Variants in TAAR5 observed in about 807,000 individuals in gnomAD.
The protein encoded by TAAR5 is trace amine-associated receptor 5.
TAAR5 carries 27 observed loss-of-function variants against 21.1 expected under a neutral mutation model. The observed-to-expected ratio is 1.28, with a 90% CI of 0.94 to 1.76. The LOEUF (loss-of-function observed/expected upper bound fraction) is 1.76. TAAR5 is among the 40% of genes most tolerant of loss of function. The pLI is 0.00. For missense variants in TAAR5, 495 were observed against 405.6 expected (o/e 1.22, Z -1.89); for synonymous variants, 203 against 167.5 (o/e 1.21, Z -1.64).
chr6:132,594,858 T>G, the TAAR5 span: 15 of 152,176 alleles, frequency 9.9e-5, no homozygotes, highest in African/African-American at 3.1e-4. Context: ...TATTAAATAT[T>G]AACACACACA....
chr6:132,608,621 T>G, the TAAR5 span: 2 of 455,760 alleles, frequency 4.4e-6, no homozygotes, highest in African/African-American at 4.0e-5. Context: ...ACGATAAAGA[T>G]TTTGCCATAA....
At position 132,589,085 on chromosome 6, in the gene TAAR5, C is replaced by A; in HGVS notation, c.602G>T (p.Gly201Val). Residue 201 changes from glycine (G) to valine (V), a missense_variant, in exon 1 of 1, where the codon GGC (glycine) becomes GTC (valine). Physicochemically the swap from Gly to Val is moderately radical, Grantham distance 109. Coordinates refer to ENST00000258034, the MANE Select transcript of TAAR5 (RefSeq NM_003967.3). ...SCQLLLNKFW[G>V]WLNFPLFFVP... The stretch of plus-strand genomic sequence containing the variant: ...AAAGAACAAAGGGAAGTTTAACCAG[C>A]CCCAAAATTTATTGAGCAGCAGCTG... 6.2e-7 allele frequency: 1 copy of A among 1,614,042 alleles called. No individual in the cohort carries two copies. Among genetic ancestry groups the A allele is most frequent in the South Asian group, 1.1e-5 (1 of 91,080 alleles).
the TAAR5 span, among the ~76,000 whole-genome samples, chr6:132,601,064 A>AGG: frequency 1.9e-4 from 7 of 36,154 alleles, no homozygotes; most frequent in South Asian, 1.0e-3. Context: ...AAGGAGGGAA[A>AGG]GAAGGAAGGA....
the TAAR5 span, among the ~76,000 whole-genome samples, chr6:132,609,594 G>C: frequency 1.3e-5 from 2 of 152,012 alleles, no homozygotes; most frequent in African/African-American, 4.8e-5. Context: ...CTTTATTCCT[G>C]GTAAGGAAAT....
chr6:132,614,548 T>C, the TAAR5 span, among the ~76,000 whole-genome samples: 2 of 152,212 alleles, frequency 1.3e-5, no homozygotes, highest in African/African-American at 4.8e-5. Context: ...GATTAGAACA[T>C]TTCCAATTCT....
chr6:132,614,938 A>G, the TAAR5 span, among the ~76,000 whole-genome samples: 2 of 152,164 alleles, frequency 1.3e-5, no homozygotes, highest in Non-Finnish European at 2.9e-5. Context: ...ATCTCAGCTC[A>G]CTGCAACCTC....
the TAAR5 span, among the ~76,000 whole-genome samples, chr6:132,597,401 T>G: frequency 6.6e-6 from 1 of 152,152 alleles, no homozygotes; most frequent in Non-Finnish European, 1.5e-5. Context: ...TGAAAAGTTA[T>G]GAAAACAAGT....
chr6:132,592,911 C>T (rs957778311), upstream of TAAR5, among the ~76,000 whole-genome samples: 1 of 152,148 alleles, frequency 6.6e-6, no homozygotes. Context: ...GGTCCCAGAT[C>T]TACCACTGAA....
chr6:132,608,522 T>C, the TAAR5 span: 1 of 455,072 alleles, frequency 2.2e-6, no homozygotes, highest in Non-Finnish European at 4.4e-6. Context: ...TTCGCTGCTT[T>C]CCTGTCCTTT....
chr6:132,605,537 T>A, the TAAR5 span, among the ~76,000 whole-genome samples: 2 of 152,176 alleles, frequency 1.3e-5, no homozygotes, highest in African/African-American at 4.8e-5. Flanking sequence ...TGAAGCCAGC[T>A]GTCCCTGTAC....
chr6:132,599,352 C>T, the TAAR5 span, among the ~76,000 whole-genome samples: 31 of 109,056 alleles, frequency 2.8e-4, no homozygotes, highest in African/African-American at 7.4e-4. Flanking sequence ...TTTTTTTTGA[C>T]GGAGTCCCGC....
At chr6:132,593,314 A>T (rs1167340044), upstream of TAAR5, among the ~76,000 whole-genome samples, 2 of 152,144 alleles carry the variant, frequency 1.3e-5, no homozygotes, top group East Asian at 3.9e-4. Flanking sequence ...CCCTCCTATG[A>T]AGTCAAAATT....
chr6:132,591,424 G>T (rs1245684050), upstream of TAAR5, among the ~76,000 whole-genome samples: 1 of 152,094 alleles, frequency 6.6e-6, no homozygotes, highest in Non-Finnish European at 1.5e-5. Flanking sequence ...GAAGGAGGTT[G>T]GTATGCACCT....
chr6:132,601,540 C>CA, the TAAR5 span, among the ~76,000 whole-genome samples: 16 of 152,206 alleles, frequency 1.1e-4, no homozygotes, highest in Middle Eastern at 6.8e-3. Context: ...AAATACATTT[C>CA]AAAAAATCAA....
chr6:132,614,724 G>C, the TAAR5 span, among the ~76,000 whole-genome samples: 1 of 152,140 alleles, frequency 6.6e-6, no homozygotes, highest in Non-Finnish European at 1.5e-5. Flanking sequence ...AGGAGAATTG[G>C]AGTAGAGAAC....
At chr6:132,604,951 T>C in the TAAR5 span, among the ~76,000 whole-genome samples, 4 of 152,200 alleles carry the variant, frequency 2.6e-5, no homozygotes, top group African/African-American at 7.2e-5. Context: ...AGAGGATGAC[T>C]GCATGGAGAG....
At chr6:132,607,325 A>G in the TAAR5 span, among the ~76,000 whole-genome samples, 1 of 152,246 alleles carries the variant, frequency 6.6e-6, no homozygotes, top group Non-Finnish European at 1.5e-5. Flanking sequence ...GGTTGTGGAC[A>G]TGACTGACAT....
rs900040054 is a variant in TAAR5 at position 132,588,955 on chromosome 6, G to A, written c.732C>T (p.Ala244=). 1.9e-6 allele frequency: 3 copies of A among 1,614,078 alleles called. No homozygotes were observed. In the African/African-American group the frequency reaches 4.0e-5, roughly 22 times the overall value. ...TTLSKSLAGA[A]KHERKAAKTL... is the part of the protein sequence containing the mutation. ...TCTTGGCAGCTTTTCTCTCATGCTT[G>A]GCAGCCCCAGCCAGGCTTTTGCTCA... The change falls in exon 1 of 1, where the codon GCC becomes GCT. Residue 244 remains alanine (A), a synonymous_variant. Coordinates refer to ENST00000258034, the MANE Select transcript of TAAR5 (RefSeq NM_003967.3).
At chr6:132,592,114 G>A (rs968477597), upstream of TAAR5, among the ~76,000 whole-genome samples, 1 of 152,186 alleles carries the variant, frequency 6.6e-6, no homozygotes, top group Non-Finnish European at 1.5e-5. Context: ...GATCTACTAA[G>A]GTTTCCTGCT....
Sources: allele counts gnomAD v4.1 joint callset (sites outside exome capture counted in the v4.1 genomes callset), GRCh38; gene constraint gnomAD v4.1.1; transcripts MANE v1.5; gene names NCBI Gene and HGNC (gene_info 2026-07-23, HGNC 2026-07-21).